Variants in TMEM8B observed in about 807,000 individuals in gnomAD.
TMEM8B encodes nasopharyngeal carcinoma expressed 6.
In TMEM8B, 29 loss-of-function variants were observed where a neutral mutation model predicts 49.3. The observed-to-expected ratio is 0.59, with a 90% CI of 0.44 to 0.80. The LOEUF is 0.80. TMEM8B is among the 30% of genes least tolerant of loss of function. The pLI is 0.00. For missense variants in TMEM8B, 575 were observed against 658.5 expected (o/e 0.87, Z 1.39); for synonymous variants, 264 against 272.8 (o/e 0.97, Z 0.32).
chr9:35,846,445 A>G (rs768885414), intron 8 of TMEM8B, 24 bp from the exon 9 acceptor site: 1 of 1,596,754 alleles, frequency 6.3e-7, no homozygotes, highest in African/African-American at 1.3e-5. Flanking sequence ...CCGGGGCCCC[A>G]GGTGACTGCG....
chr9:35,840,328 G>T (rs924159361), intron 3 of TMEM8B, among the ~76,000 whole-genome samples: 1 of 152,158 alleles, frequency 6.6e-6, no homozygotes. Context: ...TGGGGCAGGG[G>T]CATCAAAGAT....
In TMEM8B at chr9:35,860,442, T is replaced by C. The variant is rs968153734; in HGVS notation, c.*6602T>C. ...TGTGCTAGGTATCAGGTGCTGGGGC[T>C]ATAGCAGTAAGGAAAGTAAGTGGAC... On this transcript the variant is annotated 3_prime_UTR_variant, in exon 13 of 13. Coordinates refer to ENST00000643932, the MANE Select transcript of TMEM8B (RefSeq NM_001042590.4). 1 of 152,246 alleles carries C rather than the reference T, an allele frequency of 6.6e-6. No homozygotes were observed. Among genetic ancestry groups the C allele is most frequent in the African/African-American group, 2.4e-5 (1 of 41,456 alleles). 9.4% of individuals were successfully genotyped at this position (152,246 alleles called of 1,614,324 possible). A position where few individuals can be genotyped will look rare whatever the true frequency, so the allele number is the denominator to read the frequency against.
rs1190378146 is a variant in TMEM8B, at chr9:35,841,914, T to A, written c.1309+120T>A. The stretch of plus-strand genomic sequence containing the variant: ...ACAACCTCCCCTCCCCATCCCAAGC[T>A]CCTTCATGCTCCCTGAAGCCATCAC... On this transcript the variant is annotated intron_variant, in intron 5 of 12. Transcript: ENST00000643932. This position sits in a 1 kb window ranked among gnomAD's most constrained non-coding sequence, Gnocchi z 5.9. 2.9e-5 allele frequency: 12 copies of A among 410,218 alleles called. No homozygotes were observed. Among genetic ancestry groups the A allele is most frequent in the Non-Finnish European group, 5.3e-5 (12 of 226,118 alleles). The allele number at this position is 410,218 out of a possible 1,614,324, so 25.4% of individuals were successfully genotyped here. A position where few individuals can be genotyped will look rare whatever the true frequency, so the allele number is the denominator to read the frequency against.
chr9:35,855,962 A>T lies in TMEM8B; in HGVS notation c.*2122A>T, dbSNP rs771586995. Reference sequence around the variant, plus strand: ...AGACGTATAGAGCCAGGTCACTGGGATGCTTGAACCCAAATAGCTGGGATT... The same window carrying T: ...AGACGTATAGAGCCAGGTCACTGGGTTGCTTGAACCCAAATAGCTGGGATT... On this transcript the variant is annotated 3_prime_UTR_variant, in exon 13 of 13. Transcript: ENST00000643932. The T allele has an allele frequency of 1.3e-5, 2 of 152,192 alleles. No individual in the cohort carries two copies. The highest frequency in any genetic ancestry group is 2.4e-5 in the African/African-American group (1 of 41,428). 9.4% of individuals were successfully genotyped at this position (152,192 alleles called of 1,614,324 possible). A position where few individuals can be genotyped will look rare whatever the true frequency, so the allele number is the denominator to read the frequency against.
chr9:35,852,765 C>A, intron 10 of TMEM8B, 62 bp from the exon 11 acceptor site: 1 of 1,604,256 alleles, frequency 6.2e-7, no homozygotes, highest in Non-Finnish European at 8.5e-7. Context: ...CCCACCCCTC[C>A]GGTTTTGTAG....
In TMEM8B at chr9:35,842,528, C is replaced by T. The variant is rs764219195; in HGVS notation, c.1446C>T (p.Ser482=). 5.0e-6 allele frequency: 8 copies of T among 1,613,966 alleles called. No homozygotes were observed. In the Admixed American group the frequency reaches 1.2e-4, roughly 24 times the overall value. Residue 482 remains serine, a synonymous_variant, in exon 6 of 13, where the codon TCC becomes TCT. Coordinates refer to ENST00000643932, the MANE Select transcript of TMEM8B (RefSeq NM_001042590.4). This position sits in a 1 kb window ranked among gnomAD's most constrained non-coding sequence, Gnocchi z 5.6. The part of the protein sequence containing the change: ...GTPAEGPGTT[S]PPEHCWPVRP... ...CTGCGGAGGGGCCTGGGACCACGTC[C>T]CCACCCGAGCACTGCTGGCCAGTGC... is the stretch of plus-strand genomic sequence containing the variant.
chr9:35,853,107 GGCCCTA>G lies in TMEM8B; in HGVS notation c.2323-29_2323-24del. 6.2e-7 allele frequency: 1 copy of G among 1,610,230 alleles called. No homozygotes were observed. The highest frequency in any genetic ancestry group is 8.5e-7 in the Non-Finnish European group (1 of 1,176,580). ...GGCCCTGGAGTGCTGTCTGTCACCT[GGCCCTA>G]GCCCAGCCCTTGAGTCTCTTTCTCT... On this transcript the variant is annotated intron_variant, in intron 11 of 12. Coordinates refer to ENST00000643932, the MANE Select transcript of TMEM8B (RefSeq NM_001042590.4). The surrounding 1 kb of genome is among the most constrained non-coding windows in gnomAD (Gnocchi z 4.2).
intron 10 of TMEM8B, among the ~76,000 whole-genome samples, chr9:35,851,989 T>C (rs1291596709): frequency 6.6e-6 from 1 of 152,172 alleles, no homozygotes; most frequent in African/African-American, 2.4e-5. Context: ...CCTAGAAAAC[T>C]TTTTTCACAA....
intron 9 of TMEM8B, 66 bp from the exon 10 acceptor site, chr9:35,846,751 C>T: frequency 6.4e-7 from 1 of 1,554,726 alleles, no homozygotes; most frequent in Non-Finnish European, 8.7e-7. Context: ...CCACCCTCCA[C>T]AAGCTGTGGC....
At chr9:35,845,597 C>T (rs75245000) in intron 6 of TMEM8B, 30,256 of 985,424 alleles carry the variant, frequency 0.031, 542 homozygotes, top group Non-Finnish European at 0.034. Flanking sequence ...TGATGGGAAA[C>T]CTTACAATTG....
intron 3 of TMEM8B, among the ~76,000 whole-genome samples, chr9:35,840,501 C>A (rs1830867164): frequency 6.6e-6 from 1 of 152,156 alleles, no homozygotes; most frequent in Non-Finnish European, 1.5e-5. Context: ...TGTTCTCAAG[C>A]TGCTTATAGT....
chr9:35,847,732 A>T (rs1831748709), intron 10 of TMEM8B, among the ~76,000 whole-genome samples: 1 of 152,198 alleles, frequency 6.6e-6, no homozygotes, highest in Non-Finnish European at 1.5e-5. Context: ...AATATAGTTT[A>T]AAACCCCTCC....
rs1829589236 is a variant in TMEM8B at position 35,829,313 on chromosome 9, TACCCA to T, written c.-134_-130del. 1 of 367,164 alleles carries T rather than the reference TACCCA, an allele frequency of 2.7e-6. No homozygotes were observed. Among genetic ancestry groups the T allele is most frequent in the Non-Finnish European group, 4.9e-6 (1 of 205,668 alleles). 22.7% of individuals were successfully genotyped at this position (367,164 alleles called of 1,614,324 possible). A position where few individuals can be genotyped will look rare whatever the true frequency, so the allele number is the denominator to read the frequency against. ...CCGGAGTCGCCCAGGCCTGAACTCC[TACCCA>T]GGTCCCCGGCCCCCGCCCCGGGCCC... On this transcript the variant is annotated 5_prime_UTR_variant, in exon 1 of 13. Coordinates refer to ENST00000643932, the MANE Select transcript of TMEM8B (RefSeq NM_001042590.4).
rs1829585231 is a variant in TMEM8B at position 35,829,290 on chromosome 9, G to A, written c.-158G>A. 1.7e-5 allele frequency: 6 copies of A among 363,164 alleles called. No individual in the cohort carries two copies. The East Asian group carries it at 2.4e-4, about 15-fold the overall frequency. 22.5% of individuals were successfully genotyped at this position (363,164 alleles called of 1,614,324 possible). ...GGTTATCGCCGGTTCAGCGCAGCCC[G>A]GAGTCGCCCAGGCCTGAACTCCTAC... On this transcript the variant is annotated 5_prime_UTR_variant, in exon 1 of 13. Coordinates refer to ENST00000643932, the MANE Select transcript of TMEM8B (RefSeq NM_001042590.4).
In TMEM8B at chr9:35,865,056, G is replaced by C. The variant is rs1011229205; in HGVS notation, c.*11216G>C. 1 of 152,254 alleles carries C rather than the reference G, an allele frequency of 6.6e-6. No homozygotes were observed. Among genetic ancestry groups the C allele is most frequent in the African/African-American group, 2.4e-5 (1 of 41,444 alleles). 9.4% of individuals were successfully genotyped at this position (152,254 alleles called of 1,614,324 possible). Reference sequence around the variant, plus strand: ...TGCAGGCTTGGCAGCTGTGGGACCTGGGCTTCAGAGACTCCAGGTTCCTCG... The same window carrying C: ...TGCAGGCTTGGCAGCTGTGGGACCTCGGCTTCAGAGACTCCAGGTTCCTCG... On this transcript the variant is annotated 3_prime_UTR_variant, in exon 13 of 13. Transcript: ENST00000643932.
rs1307914978 is a variant in TMEM8B, at chr9:35,864,590, G to T, written c.*10750G>T. 3 of 152,232 alleles carry T rather than the reference G, an allele frequency of 2.0e-5. No homozygotes were observed. Among genetic ancestry groups the T allele is most frequent in the African/African-American group, 7.2e-5 (3 of 41,442 alleles). The allele number at this position is 152,232 out of a possible 1,614,324, so 9.4% of individuals were successfully genotyped here. On this transcript the variant is annotated 3_prime_UTR_variant, in exon 13 of 13. Coordinates refer to ENST00000643932, the MANE Select transcript of TMEM8B (RefSeq NM_001042590.4). ...CTTGTGGGCTTGTTTTAAGGATCCA[G>T]TGACAGGAAGCATGCGAAGCTCTTA...
intron 6 of TMEM8B, among the ~76,000 whole-genome samples, chr9:35,845,003 TTCAC>T (rs1421416021): frequency 6.6e-6 from 1 of 152,242 alleles, no homozygotes; most frequent in Admixed American, 6.5e-5. Flanking sequence ...TAGAAAGACT[TTCAC>T]TGAGTAATAC....
chr9:35,852,944 A>G lies in TMEM8B; in HGVS notation c.2293A>G (p.Met765Val), dbSNP rs1205467307. 4 of 1,614,132 alleles carry G rather than the reference A, an allele frequency of 2.5e-6. No individual in the cohort carries two copies. The highest frequency in any genetic ancestry group is 1.7e-5 in the Admixed American group (1 of 60,028). Reference protein sequence around the residue: ...LMSVWVTVIAMARLQPVVKQV... With the variant: ...LMSVWVTVIAVARLQPVVKQV... ...GTCCGTGTGGGTCACTGTCATTGCC[A>G]TGGCTCGTTTACAGCCCGTGGTCAA... The change falls in exon 11 of 13, where the codon ATG becomes GTG. Residue 765 changes from methionine (M) to valine (V), a missense_variant. By Grantham distance (21) the Met-to-Val change is conservative. Coordinates refer to ENST00000643932, the MANE Select transcript of TMEM8B (RefSeq NM_001042590.4).
At chr9:35,848,003 T>C (rs1304776660) in intron 10 of TMEM8B, among the ~76,000 whole-genome samples, 2 of 152,242 alleles carry the variant, frequency 1.3e-5, no homozygotes, top group Admixed American at 6.5e-5. Flanking sequence ...TTCAGACTGC[T>C]CAGGCCTTGT....
Sources: gnomAD v4.1 joint callset for allele counts (sites outside exome capture counted in the v4.1 genomes callset) on GRCh38, gnomAD v4.1.1 for gene constraint, Gnocchi (gnomAD v3.1) non-coding constraint, MANE v1.5 for transcripts, NCBI Gene and HGNC (gene_info 2026-07-23, HGNC 2026-07-21) for gene names.